KCNQ1: variants seen among roughly 807,000 people sequenced by gnomAD.
The protein encoded by KCNQ1 is potassium voltage-gated channel subfamily Q member 1, also known as potassium voltage-gated channel subfamily KQT member 1.
Under a neutral mutation model 72.4 loss-of-function variants are expected in KCNQ1, and 49 were observed. That is an observed-to-expected ratio of 0.68 (90% CI 0.54 to 0.86). KCNQ1 has a LOEUF of 0.86. Ranked by LOEUF, KCNQ1 falls within the 40% of genes least tolerant of loss-of-function variation. The pLI is 0.00. For synonymous variants in KCNQ1, 450 were observed against 412.6 expected (o/e 1.09, Z -1.10); for missense variants, 790 against 945.1 (o/e 0.84, Z 2.15).
chr11:2,511,004 G>T (rs1053476828), intron 1 of KCNQ1, among the ~76,000 whole-genome samples: 1 of 152,104 alleles, frequency 6.6e-6, no homozygotes, highest in Non-Finnish European at 1.5e-5. Flanking sequence ...GCCTCTCCCC[G>T]AGACGTCACC....
Position 2,847,811 on chromosome 11 carries a change from T to A in KCNQ1, c.1839T>A (p.Leu613=). ...GGCTGGCACTCATCACCGACATGCTTCACCAGCTGCTCTCCTTGCACGGTG... is the reference window on the plus strand; with the variant it reads ...GGCTGGCACTCATCACCGACATGCTACACCAGCTGCTCTCCTTGCACGGTG... ...DQRLALITDM[L]HQLLSLHGGS... Residue 613 remains leucine, a synonymous_variant, in exon 16 of 16, where the codon CTT becomes CTA. Transcript: ENST00000155840. The A allele has an allele frequency of 6.4e-7, 1 of 1,570,166 alleles. No individual in the cohort carries two copies. The highest frequency in any genetic ancestry group is 1.8e-5 in the Admixed American group (1 of 54,122).
In KCNQ1 at chr11:2,447,508, G is replaced by A. The variant is rs1846057794; in HGVS notation, c.386+2024G>A. Among the ~76,000 whole-genome samples, 1 of 152,094 alleles carries A rather than the reference G, an allele frequency of 6.6e-6. No individual in the cohort carries two copies. Among genetic ancestry groups the A allele is most frequent in the South Asian group, 2.1e-4 (1 of 4,822 alleles). On this transcript the variant is annotated intron_variant, in intron 1 of 15. Coordinates refer to ENST00000155840, the MANE Select transcript of KCNQ1 (RefSeq NM_000218.3). The surrounding 1 kb of genome is among the most constrained non-coding windows in gnomAD (Gnocchi z 7.6). ...CTGGGCAGGACATGTGGCTTGGTGG[G>A]GGCCTGGGAGATGCGCTCCCACCCT...
Position 2,538,763 on chromosome 11 carries a change from C to T in KCNQ1, c.477+10745C>T, listed in dbSNP as rs1006029540. ...CCACACACGGGCCTCACGTTATCTT[C>T]TGCAGGCCAGAATTGTCATATATAT... On this transcript the variant is annotated intron_variant, in intron 2 of 15. Coordinates refer to ENST00000155840, the MANE Select transcript of KCNQ1 (RefSeq NM_000218.3). This position sits in a 1 kb window ranked among gnomAD's most constrained non-coding sequence, Gnocchi z 6.7. Among the ~76,000 whole-genome samples, 2 of 145,022 alleles carry T rather than the reference C, an allele frequency of 1.4e-5. No homozygotes were observed.
rs1008202511 is a variant in KCNQ1, at chr11:2,458,692, G to T, written c.386+13208G>T. Among the ~76,000 whole-genome samples the T allele has an allele frequency of 2.0e-5, 3 of 147,430 alleles. No homozygotes were observed. The highest frequency in any genetic ancestry group is 6.9e-5 in the Admixed American group (1 of 14,572). On this transcript the variant is annotated intron_variant, in intron 1 of 15. Coordinates refer to ENST00000155840, the MANE Select transcript of KCNQ1 (RefSeq NM_000218.3). This position sits in a 1 kb window ranked among gnomAD's most constrained non-coding sequence, Gnocchi z 4.6. The stretch of plus-strand genomic sequence containing the variant: ...GGATGGATGGATGGATGGATCGATC[G>T]ATCTCACCAAGCCTCGTGCTCTAAG...
intron 1 of KCNQ1, among the ~76,000 whole-genome samples, chr11:2,480,726 T>G (rs1369162563): frequency 7.9e-5 from 12 of 152,150 alleles, no homozygotes; most frequent in Admixed American, 7.9e-4. Flanking sequence ...GGTAGAGAAC[T>G]GTAGTGTGCA....
chr11:2,517,579 T>C (rs1458730884), intron 1 of KCNQ1, among the ~76,000 whole-genome samples: 3 of 152,212 alleles, frequency 2.0e-5, no homozygotes, highest in Non-Finnish European at 4.4e-5. Flanking sequence ...TCCAGGCATG[T>C]GGCGTGGCAA....
intron 10 of KCNQ1, chr11:2,643,438 T>C (rs1229544279): frequency 2.5e-6 from 1 of 398,334 alleles, no homozygotes; most frequent in African/African-American, 2.1e-5. Context: ...TGTTTTTAGC[T>C]TAACCTTTGT....
intron 10 of KCNQ1, chr11:2,616,052 C>T (rs1849058609): frequency 2.5e-6 from 1 of 397,914 alleles, no homozygotes; most frequent in Non-Finnish European, 4.4e-6. Context: ...TGGGTCTGCT[C>T]ATAATTTCAA....
At chr11:2,512,768 T>C (rs1847230722) in intron 1 of KCNQ1, among the ~76,000 whole-genome samples, 1 of 152,150 alleles carries the variant, frequency 6.6e-6, no homozygotes, top group African/African-American at 2.4e-5. Flanking sequence ...TGGGGGCGCC[T>C]GCCTGTCTGC....
At position 2,475,532 on chromosome 11, in the gene KCNQ1, C is replaced by T. The variant is rs1846556998; in HGVS notation, c.386+30048C>T. Reference sequence around the variant, plus strand: ...ATGGCTAAAGATTTTCAAGCACACACACCTAAAGATAGCAGACATTCCATT... The same window carrying T: ...ATGGCTAAAGATTTTCAAGCACACATACCTAAAGATAGCAGACATTCCATT... On this transcript the variant is annotated intron_variant, in intron 1 of 15. Coordinates refer to ENST00000155840, the MANE Select transcript of KCNQ1 (RefSeq NM_000218.3). This position sits in a 1 kb window ranked among gnomAD's most constrained non-coding sequence, Gnocchi z 5.8. Among the ~76,000 whole-genome samples, 2 of 152,210 alleles carry T rather than the reference C, an allele frequency of 1.3e-5. No individual in the cohort carries two copies. Among genetic ancestry groups the T allele is most frequent in the South Asian group, 2.1e-4 (1 of 4,836 alleles).
rs146907678 is a variant in KCNQ1 at position 2,592,606 on chromosome 11, A to G, written c.1393+3752A>G. Among the ~76,000 whole-genome samples, 11 of 152,338 alleles carry G rather than the reference A, an allele frequency of 7.2e-5. No individual in the cohort carries two copies. In the East Asian group the frequency reaches 1.7e-3, roughly 24 times the overall value. On this transcript the variant is annotated intron_variant, in intron 10 of 15. Coordinates refer to ENST00000155840, the MANE Select transcript of KCNQ1 (RefSeq NM_000218.3). The surrounding 1 kb of genome is among the most constrained non-coding windows in gnomAD (Gnocchi z 5.2). ...TAGAGTCTTTGCAGTGAAGCGTCACAGACTCCTCATGAAGGATGCATGGGG... is the reference window on the plus strand; with the variant it reads ...TAGAGTCTTTGCAGTGAAGCGTCACGGACTCCTCATGAAGGATGCATGGGG...
intron 2 of KCNQ1, among the ~76,000 whole-genome samples, chr11:2,535,835 T>TAGGAG (rs751813572): frequency 6.0e-4 from 92 of 152,318 alleles, no homozygotes; most frequent in Non-Finnish European, 1.1e-3. Context: ...GAGGGCTGTT[T>TAGGAG]AGGAGAGGAA....
chr11:2,535,951 G>A (rs1205916408), intron 2 of KCNQ1, among the ~76,000 whole-genome samples: 1 of 152,062 alleles, frequency 6.6e-6, no homozygotes, highest in Admixed American at 6.5e-5. Flanking sequence ...CAGGGGCGCT[G>A]CTGAAGCCAC....
At chr11:2,841,237 G>C (rs950518003) in intron 15 of KCNQ1, among the ~76,000 whole-genome samples, 1 of 152,196 alleles carries the variant, frequency 6.6e-6, no homozygotes, top group Admixed American at 6.5e-5. Flanking sequence ...AGATCAACAC[G>C]GGCATGCTCA....
At position 2,698,552 on chromosome 11, in the gene KCNQ1, G is replaced by A. The variant is rs1005975278; in HGVS notation, c.1514+36471G>A. On this transcript the variant is annotated intron_variant, in intron 11 of 15. Transcript: ENST00000155840. The surrounding 1 kb of genome is among the most constrained non-coding windows in gnomAD (Gnocchi z 5.1). ...CAACTCAGACTGCAACCTTTACTTC[G>A]CCCCCTAATTCCTGACTCAGAATCC... The A allele has an allele frequency of 2.5e-6, 1 of 395,842 alleles. No individual in the cohort carries two copies. Among genetic ancestry groups the A allele is most frequent in the Non-Finnish European group, 4.4e-6 (1 of 225,506 alleles). 24.5% of individuals were successfully genotyped at this position (395,842 alleles called of 1,614,324 possible).
At chr11:2,837,890 A>G (rs1284339372) in intron 15 of KCNQ1, among the ~76,000 whole-genome samples, 5 of 152,170 alleles carry the variant, frequency 3.3e-5, no homozygotes, top group Non-Finnish European at 7.4e-5. Flanking sequence ...TCTCGAGAAC[A>G]GCAGGGATGC....
chr11:2,633,443 G>C (rs10832430), intron 10 of KCNQ1: 2 of 398,160 alleles, frequency 5.0e-6, no homozygotes, highest in East Asian at 7.1e-5. Flanking sequence ...TAAAATCTTC[G>C]CTAGACCCAT....
At position 2,651,371 on chromosome 11, in the gene KCNQ1, T is replaced by A. The variant is rs1458095012; in HGVS notation, c.1394-10590T>A. ...AGCTGGGGTATTTATCTTTCACTAG[T>A]GAGTGCTGCCCCGGTGGTGGCTCAC... On this transcript the variant is annotated intron_variant, in intron 10 of 15. Transcript: ENST00000155840. This position sits in a 1 kb window ranked among gnomAD's most constrained non-coding sequence, Gnocchi z 6.1. The A allele has an allele frequency of 1.0e-5, 4 of 398,648 alleles. No individual in the cohort carries two copies. The highest frequency in any genetic ancestry group is 1.8e-5 in the Non-Finnish European group (4 of 226,162). 24.7% of individuals were successfully genotyped at this position (398,648 alleles called of 1,614,324 possible). A position where few individuals can be genotyped will look rare whatever the true frequency, so the allele number is the denominator to read the frequency against.
At position 2,530,620 on chromosome 11, in the gene KCNQ1, G is replaced by A. The variant is rs114380181; in HGVS notation, c.477+2602G>A. ...GAGCTGTGTGCTTAAGTGTGCATCT[G>A]TATCTGAGTATTATGTAAGTGTGCA... On this transcript the variant is annotated intron_variant, in intron 2 of 15. Coordinates refer to ENST00000155840, the MANE Select transcript of KCNQ1 (RefSeq NM_000218.3). Among the ~76,000 whole-genome samples the A allele has an allele frequency of 4.8e-3, 725 of 152,342 alleles. 11 individuals carry two copies. The highest frequency in any genetic ancestry group is 0.015 in the African/African-American group (604 of 41,574).
Sources: gnomAD v4.1 joint callset for allele counts (sites outside exome capture counted in the v4.1 genomes callset) on GRCh38, gnomAD v4.1.1 for gene constraint, Gnocchi (gnomAD v3.1) non-coding constraint, MANE v1.5 for transcripts, NCBI Gene and HGNC (gene_info 2026-07-23, HGNC 2026-07-21) for gene names.